Variants in NLRP9 observed in about 807,000 individuals in gnomAD.
NLRP9 encodes the protein NACHT, LRR and PYD domains-containing protein 9.
A neutral mutation model predicts 83.1 loss-of-function variants in NLRP9; 88 were observed. That is an observed-to-expected ratio of 1.06 (90% CI 0.89 to 1.26). The LOEUF is 1.26. Ranked by LOEUF, NLRP9 falls within the 50% of genes most tolerant of loss-of-function variation. The pLI, the probability that NLRP9 is intolerant of heterozygous loss-of-function variation, is 0.00. For synonymous variants in NLRP9, 521 were observed against 447.6 expected (o/e 1.16, Z -2.07); for missense variants, 1,308 against 1,179.3 (o/e 1.11, Z -1.60).
At chr19:55,716,980 CT>C in intron 4 of NLRP9, 82 bp from the exon 5 acceptor site, 1 of 1,075,356 alleles carries the variant, frequency 9.3e-7, no homozygotes, top group Non-Finnish European at 1.4e-6. Flanking sequence ...AACGACACCT[CT>C]GATTCTAGTC....
At chr19:55,720,881 C>T (rs1016008425) in intron 4 of NLRP9, among the ~76,000 whole-genome samples, 20 of 152,292 alleles carry the variant, frequency 1.3e-4, no homozygotes, top group African/African-American at 4.8e-4. Flanking sequence ...CATATCACAA[C>T]AGGAAGCCCA....
chr19:55,712,217 TG>T (rs1163143867), intron 7 of NLRP9, among the ~76,000 whole-genome samples: 4 of 152,168 alleles, frequency 2.6e-5, no homozygotes, highest in Admixed American at 2.6e-4. Context: ...ATGCACAGGA[TG>T]GCCCCCAAGG....
chr19:55,715,101 G>C lies in NLRP9; in HGVS notation c.2455C>G (p.Leu819Val), dbSNP rs928303496. ...CCTGGGTGCTTCAGCGCTGCACACA[G>C]AGATGCCACTCCATTATCTTCCAGG... ...NALEDNGVAS[L>V]CAALKHPGCS... The change falls in exon 6 of 9, where the codon CTG (leucine) becomes GTG (valine). Residue 819 changes from leucine to valine, a missense_variant. Physicochemically the swap from Leu to Val is conservative, Grantham distance 32. Coordinates refer to ENST00000332836, the MANE Select transcript of NLRP9 (RefSeq NM_176820.4). 1.4e-5 allele frequency: 22 copies of C among 1,612,946 alleles called. No homozygotes were observed. The East Asian group carries it at 3.6e-4, about 26-fold the overall frequency.
chr19:55,735,345 G>C (rs1362172286), intron 1 of NLRP9, among the ~76,000 whole-genome samples: 1 of 124,534 alleles, frequency 8.0e-6, no homozygotes, highest in South Asian at 3.2e-4. Context: ...CCAGCGCTTT[G>C]GGAGTGCTGA....
At chr19:55,712,711 G>A in intron 6 of NLRP9, 121 bp from the exon 7 acceptor site, 2 of 781,924 alleles carry the variant, frequency 2.6e-6, no homozygotes, top group Non-Finnish European at 4.1e-6. Context: ...TGATGAGGAG[G>A]GTGGGGAGGG....
chr19:55,720,493 A>AT (rs944183174), intron 4 of NLRP9, among the ~76,000 whole-genome samples: 1 of 151,924 alleles, frequency 6.6e-6, no homozygotes, highest in Non-Finnish European at 1.5e-5. Flanking sequence ...TACCTAGATA[A>AT]TTTTTTTGTT....
rs757906216 is a variant in NLRP9, at chr19:55,732,380, G to C, written c.1451C>G (p.Pro484Arg). Residue 484 changes from proline to arginine, a missense_variant, in exon 2 of 9, where the codon CCT becomes CGT. Physicochemically the swap from Pro to Arg is moderately radical, Grantham distance 103. Coordinates refer to ENST00000332836, the MANE Select transcript of NLRP9 (RefSeq NM_176820.4). The part of the protein sequence containing the change: ...TQLVRASVVQ[P>R]QTLLTQVGIF... ...CCCCACCTGGGTCAAGAGGGTTTGA[G>C]GCTGAACCACACTTGCTCTTACAAG... 2.5e-6 allele frequency: 4 copies of C among 1,614,108 alleles called. No homozygotes were observed. The highest frequency in any genetic ancestry group is 3.4e-6 in the Non-Finnish European group (4 of 1,180,060).
chr19:55,733,167 T>A lies in NLRP9; in HGVS notation c.664A>T (p.Arg222Ter), dbSNP rs1235494719. Residue 222 changes from arginine (R) to a stop codon, truncating the protein, a stop_gained, in exon 2 of 9, where the codon AGA (arginine) becomes TGA (stop). Coordinates refer to ENST00000332836, the MANE Select transcript of NLRP9 (RefSeq NM_176820.4). LOFTEE classifies it high-confidence loss of function. Reference protein sequence around the residue: ...KIEDIFSQPERILFIMDGFEQ... With the variant: ...KIEDIFSQPE ...AAGCCATCCATGATGAACAGAATTCTCTCTGGCTGGGAAAAAATGTCTTCG... is the reference window on the plus strand; with the variant it reads ...AAGCCATCCATGATGAACAGAATTCACTCTGGCTGGGAAAAAATGTCTTCG... 1 of 1,613,964 alleles carries A rather than the reference T, an allele frequency of 6.2e-7. No homozygotes were observed. The highest frequency in any genetic ancestry group is 2.2e-5 in the East Asian group (1 of 44,886).
At chr19:55,735,965 G>T (rs1988774931) in intron 1 of NLRP9, among the ~76,000 whole-genome samples, 1 of 151,912 alleles carries the variant, frequency 6.6e-6, no homozygotes, top group Non-Finnish European at 1.5e-5. Flanking sequence ...TGGGATTACG[G>T]GTGTGAGCCA....
chr19:55,729,488 T>C (rs1988506663), intron 3 of NLRP9, among the ~76,000 whole-genome samples: 5 of 152,146 alleles, frequency 3.3e-5, no homozygotes, highest in African/African-American at 1.2e-4. Flanking sequence ...ATGCGTTGTT[T>C]GGTTTTTTGT....
Position 55,729,913 on chromosome 19 carries a change from C to A in NLRP9, c.1912G>T (p.Glu638Ter). The stretch of plus-strand genomic sequence containing the variant: ...GAGGGATCATCGAGGCTGGTATTTT[C>A]CATGTCTAAAATCTGGAAGTTCTTG... ...TNKNFQILDM[E>*]NTSLDDPSLA... Residue 638 changes from glutamate (E) to a stop codon, truncating the protein, a stop_gained, in exon 3 of 9, where the codon GAA (glutamate) becomes TAA (stop). Coordinates refer to ENST00000332836, the MANE Select transcript of NLRP9 (RefSeq NM_176820.4). LOFTEE classifies it high-confidence loss of function. 1 of 1,613,766 alleles carries A rather than the reference C, an allele frequency of 6.2e-7. No homozygotes were observed. Among genetic ancestry groups the A allele is most frequent in the Non-Finnish European group, 8.5e-7 (1 of 1,179,698 alleles).
At chr19:55,729,073 T>TTTTTTTC (rs1320598967) in intron 3 of NLRP9, among the ~76,000 whole-genome samples, 1 of 112,752 alleles carries the variant, frequency 8.9e-6, no homozygotes, top group Non-Finnish European at 1.9e-5. Context: ...TTTTTTTTTT[T>TTTTTTTC]ACAAATTTAA....
At chr19:55,713,890 GTTC>G (rs1987907598) in intron 6 of NLRP9, among the ~76,000 whole-genome samples, 1 of 48,556 alleles carries the variant, frequency 2.1e-5, no homozygotes. Flanking sequence ...CTCCTCCCTC[GTTC>G]TTCTCTGCTC....
At chr19:55,717,453 GC>G (rs1988065607) in intron 4 of NLRP9, among the ~76,000 whole-genome samples, 1 of 152,174 alleles carries the variant, frequency 6.6e-6, no homozygotes, top group Non-Finnish European at 1.5e-5. Context: ...GGGGTGATTT[GC>G]CCTAATGGAG....
chr19:55,716,623 G>T (rs555857202), intron 5 of NLRP9, 105 bp downstream of exon 5: 2 of 900,704 alleles, frequency 2.2e-6, no homozygotes, highest in Non-Finnish European at 3.5e-6. Flanking sequence ...TACGGATTCC[G>T]CATTCTGCTG....
At chr19:55,715,863 C>T (rs941966153) in intron 5 of NLRP9, among the ~76,000 whole-genome samples, 5 of 152,136 alleles carry the variant, frequency 3.3e-5, no homozygotes, top group African/African-American at 7.2e-5. Context: ...TATGGCTTAA[C>T]GGAATGTACT....
chr19:55,714,526 C>T lies in NLRP9; in HGVS notation c.2501+529G>A, dbSNP rs1367070888. 7.2e-5 allele frequency among the ~76,000 whole-genome samples: 11 copies of T among 152,060 alleles called. 1 individual carries two copies. In the South Asian group the frequency reaches 1.9e-3, roughly 26 times the overall value. ...TCCTGAGTCCCCTGCTGTGTCCTTA[C>T]AACTCCTTCCCACTGAAGGTTCCCA... On this transcript the variant is annotated intron_variant, in intron 6 of 8. Coordinates refer to ENST00000332836, the MANE Select transcript of NLRP9 (RefSeq NM_176820.4).
In NLRP9 at chr19:55,738,299, A is replaced by G. The variant is rs1311303365; in HGVS notation, c.76T>C (p.Phe26Leu). ...KELRKEEFWK[F>L]KELLKQPLEK... ...AAAGGTTGTTTGAGGAGCTCCTTAAATTTCCAAAACTCTTCCTTTCTGAGC... is the reference window on the plus strand; with the variant it reads ...AAAGGTTGTTTGAGGAGCTCCTTAAGTTTCCAAAACTCTTCCTTTCTGAGC... Residue 26 changes from phenylalanine (F) to leucine (L), a missense_variant, in exon 1 of 9, where the codon TTT becomes CTT. Transcript: ENST00000332836. The G allele has an allele frequency of 5.0e-6, 8 of 1,614,106 alleles. No homozygotes were observed. The Admixed American group carries it at 1.2e-4, about 24-fold the overall frequency.
At chr19:55,714,496 C>A (rs910938914) in intron 6 of NLRP9, among the ~76,000 whole-genome samples, 20 of 152,126 alleles carry the variant, frequency 1.3e-4, no homozygotes, top group Non-Finnish European at 2.1e-4. Flanking sequence ...GGCTGGAGAC[C>A]CAACTCCTGA....
Sources: gnomAD v4.1 joint callset for allele counts (sites outside exome capture counted in the v4.1 genomes callset) on GRCh38, gnomAD v4.1.1 for gene constraint, MANE v1.5 for transcripts, NCBI Gene and HGNC (gene_info 2026-07-23, HGNC 2026-07-21) for gene names.